The following AKAP6 variants were observed in gnomAD, a reference collection of about 807,000 sequenced individuals.
AKAP6 encodes A-kinase anchor protein 6.
AKAP6 carries 58 observed loss-of-function variants against 188.5 expected under a neutral mutation model. The ratio of observed to expected loss-of-function variants is 0.31; its 90% CI spans 0.25 to 0.38. AKAP6 has a LOEUF of 0.38. AKAP6 is among the 10% of genes least tolerant of loss of function. The pLI is 1.00. For missense variants in AKAP6, 2,710 were observed against 2,740.0 expected, an observed-to-expected ratio of 0.99 and a Z score of 0.24; for synonymous variants, 989 against 998.6, an observed-to-expected ratio of 0.99 and a Z score of 0.18.
intron 12 of AKAP6, among the ~76,000 whole-genome samples, chr14:32,779,285 C>T (rs2033164266): frequency 6.6e-6 from 1 of 151,758 alleles, no homozygotes; most frequent in African/African-American, 2.4e-5. Flanking sequence ...CACCTGTGGT[C>T]TCAGCTGCCC....
intron 1 of AKAP6, among the ~76,000 whole-genome samples, chr14:32,396,698 G>C (rs537295074): frequency 6.6e-6 from 1 of 152,234 alleles, no homozygotes; most frequent in East Asian, 1.9e-4. Flanking sequence ...GCAGATGTGA[G>C]ACTGAGCTGC....
At chr14:32,501,146 T>A (rs542115874) in intron 2 of AKAP6, among the ~76,000 whole-genome samples, 1 of 152,292 alleles carries the variant, frequency 6.6e-6, no homozygotes, top group Admixed American at 6.5e-5. Flanking sequence ...AAAAACACAA[T>A]AAATTTTAAT....
intron 12 of AKAP6, among the ~76,000 whole-genome samples, chr14:32,788,873 G>A (rs2033517686): frequency 6.6e-6 from 1 of 152,162 alleles, no homozygotes; most frequent in South Asian, 2.1e-4. Flanking sequence ...GCGTCATTCT[G>A]CGGGCCCCAC....
rs1305559029 is a variant in AKAP6 at position 32,649,651 on chromosome 14, T to G, written c.2731-28660T>G. ...TTCTTTTTTTGTAAATATGAATTAATAAAATATAAGTTTTAGTCTGTAAAT... is the reference window on the plus strand; with the variant it reads ...TTCTTTTTTTGTAAATATGAATTAAGAAAATATAAGTTTTAGTCTGTAAAT... On this transcript the variant is annotated intron_variant, in intron 7 of 13. Coordinates refer to ENST00000280979, the MANE Select transcript of AKAP6 (RefSeq NM_004274.5). Among the ~76,000 whole-genome samples the G allele has an allele frequency of 4.6e-5, 7 of 152,300 alleles. No individual in the cohort carries two copies. The South Asian group carries it at 1.5e-3, about 32-fold the overall frequency.
chr14:32,605,821 G>A (rs533616902), intron 7 of AKAP6, among the ~76,000 whole-genome samples: 19 of 152,228 alleles, frequency 1.2e-4, no homozygotes, highest in African/African-American at 4.6e-4. Context: ...ATTAAAACAT[G>A]ATAATACATA....
chr14:32,531,417 A>G (rs1882409728), intron 2 of AKAP6, among the ~76,000 whole-genome samples: 1 of 152,226 alleles, frequency 6.6e-6, no homozygotes, highest in Non-Finnish European at 1.5e-5. Context: ...TGTAATTTTC[A>G]AGAATACGAA....
intron 2 of AKAP6, among the ~76,000 whole-genome samples, chr14:32,510,424 A>ATGTG (rs1566546602): frequency 0.018 from 1,532 of 83,656 alleles, 46 homozygotes; most frequent in Non-Finnish European, 0.028. Context: ...GTATATATAT[A>ATGTG]CATATATATA....
intron 8 of AKAP6, among the ~76,000 whole-genome samples, chr14:32,688,107 A>T (rs10131778): frequency 0.62 from 92,977 of 150,088 alleles, 30,105 homozygotes; most frequent in East Asian, 0.84. Context: ...TGAAGACATA[A>T]ATATATAATA....
chr14:32,429,353 G>A lies in AKAP6; in HGVS notation c.-34-4107G>A, dbSNP rs117797309. ...TCAAATGGAGTAATTAGTTTGATGG[G>A]AAAGAAACTTGAATAGTCCTGATAA... On this transcript the variant is annotated intron_variant, in intron 1 of 13. Transcript: ENST00000280979. Among the ~76,000 whole-genome samples the A allele has an allele frequency of 7.9e-5, 12 of 152,230 alleles. No individual in the cohort carries two copies. The East Asian group carries it at 1.9e-3, about 24-fold the overall frequency.
At chr14:32,717,925 G>C (rs1009430905) in intron 9 of AKAP6, among the ~76,000 whole-genome samples, 6 of 152,068 alleles carry the variant, frequency 3.9e-5, no homozygotes, top group African/African-American at 1.2e-4. Context: ...TACGCCAAAT[G>C]AATCTGGCTA....
intron 1 of AKAP6, among the ~76,000 whole-genome samples, chr14:32,380,005 C>A (rs3784175): frequency 0.2 from 29,961 of 152,100 alleles, 3,665 homozygotes; most frequent in East Asian, 0.6. Context: ...TGGCTACTTC[C>A]TTATATAAAT....
In AKAP6 at chr14:32,344,255, A is replaced by G. The variant is rs185103468; in HGVS notation, c.-35+14847A>G. Among the ~76,000 whole-genome samples, 85 of 152,346 alleles carry G rather than the reference A, an allele frequency of 5.6e-4. No individual in the cohort carries two copies. In the South Asian group the frequency reaches 0.017, roughly 30 times the overall value. ...AGCTGTGATGTTCTGGGAGCTGTCC[A>G]GACAAGTAGTGATTATAAGACCAAG... On this transcript the variant is annotated intron_variant, in intron 1 of 13. Coordinates refer to ENST00000280979, the MANE Select transcript of AKAP6 (RefSeq NM_004274.5).
chr14:32,487,073 A>G (rs1161686635), intron 2 of AKAP6, among the ~76,000 whole-genome samples: 1 of 152,308 alleles, frequency 6.6e-6, no homozygotes, highest in East Asian at 1.9e-4. Context: ...TGTTGAGATA[A>G]TCATGTGGTT....
At chr14:32,491,231 A>G (rs1279312296) in intron 2 of AKAP6, among the ~76,000 whole-genome samples, 12 of 152,186 alleles carry the variant, frequency 7.9e-5, no homozygotes, top group Admixed American at 6.5e-5. Flanking sequence ...ACTTCTATGC[A>G]TCTTCTCCCA....
chr14:32,650,552 A>C (rs2139528303), intron 7 of AKAP6, among the ~76,000 whole-genome samples: 1 of 152,304 alleles, frequency 6.6e-6, no homozygotes. Context: ...TGGAGATTGC[A>C]GTGAGCCAAG....
At chr14:32,393,564 G>C (rs1276218709) in intron 1 of AKAP6, among the ~76,000 whole-genome samples, 1 of 152,142 alleles carries the variant, frequency 6.6e-6, no homozygotes, top group Admixed American at 6.6e-5. Context: ...TTATTTTCTG[G>C]TTTTGACAAG....
At chr14:32,454,670 T>C (rs1891065485) in intron 2 of AKAP6, among the ~76,000 whole-genome samples, 1 of 40,696 alleles carries the variant, frequency 2.5e-5, no homozygotes, top group South Asian at 1.5e-3. Flanking sequence ...CTTCCCTCCT[T>C]CCCTCCTTCC....
chr14:32,520,320 A>G (rs1274317163), intron 2 of AKAP6, among the ~76,000 whole-genome samples: 1 of 152,186 alleles, frequency 6.6e-6, no homozygotes, highest in African/African-American at 2.4e-5. Context: ...TTCAAAAGCT[A>G]GCAGAAGGCA....
intron 7 of AKAP6, among the ~76,000 whole-genome samples, chr14:32,633,461 T>C (rs1219916455): frequency 2.0e-5 from 3 of 152,156 alleles, no homozygotes; most frequent in Non-Finnish European, 1.5e-5. Context: ...CCCCTGTCTA[T>C]TACCATGTGA....
Sources: allele counts gnomAD v4.1 joint callset (sites outside exome capture counted in the v4.1 genomes callset), GRCh38; gene constraint gnomAD v4.1.1; transcripts MANE v1.5; gene names NCBI Gene and HGNC (gene_info 2026-07-23, HGNC 2026-07-21).